BLVRB: variants seen among roughly 807,000 people sequenced by gnomAD.
BLVRB encodes biliverdin reductase B.
BLVRB carries 25 observed loss-of-function variants against 21.1 expected under a neutral mutation model. That is an observed-to-expected ratio of 1.19 (90% confidence interval 0.86 to 1.66). The LOEUF is 1.66. Among genes scored for constraint, BLVRB ranks in the 40% most tolerant of loss-of-function variants. The pLI, the probability that BLVRB is intolerant of heterozygous loss-of-function variation, is 0.00. For synonymous variants in BLVRB, 128 were observed against 122.2 expected (o/e 1.05, Z -0.31); for missense variants, 274 against 282.7 (o/e 0.97, Z 0.22).
intron 1 of BLVRB, among the ~76,000 whole-genome samples, chr19:40,461,278 C>T (rs2079786422): frequency 6.6e-6 from 1 of 152,180 alleles, no homozygotes; most frequent in African/African-American, 2.4e-5. Flanking sequence ...CCCTGGGCTC[C>T]TGGACCCAGT....
intron 3 of BLVRB, among the ~76,000 whole-genome samples, chr19:40,457,242 G>A (rs2079765850): frequency 6.6e-6 from 1 of 152,032 alleles, no homozygotes; most frequent in East Asian, 1.9e-4. Context: ...AGAGCTTGAG[G>A]AAAAAAGCCA....
chr19:40,463,014 CAT>C (rs1294841360), intron 1 of BLVRB, among the ~76,000 whole-genome samples: 25 of 149,454 alleles, frequency 1.7e-4, no homozygotes, highest in Middle Eastern at 3.2e-3. Context: ...TAATACTTAA[CAT>C]GTGATACATT....
chr19:40,451,252 A>C, intron 4 of BLVRB, 112 bp downstream of exon 4: 2 of 1,467,280 alleles, frequency 1.4e-6, no homozygotes, highest in African/African-American at 2.8e-5. Flanking sequence ...TCACAATATC[A>C]TAGGAAGGTT....
At chr19:40,451,597 A>G (rs2145777431) in intron 3 of BLVRB, 105 bp from the exon 4 acceptor site, 1 of 1,380,556 alleles carries the variant, frequency 7.2e-7, no homozygotes, top group South Asian at 1.5e-5. Context: ...CAGTGGCGCA[A>G]TCTCGGCTCA....
At chr19:40,456,746 G>C (rs947257577) in intron 3 of BLVRB, among the ~76,000 whole-genome samples, 1 of 152,050 alleles carries the variant, frequency 6.6e-6, no homozygotes, top group African/African-American at 2.4e-5. Flanking sequence ...AATTAGCAGG[G>C]CATGGTGGCA....
chr19:40,462,666 C>T (rs1230608398), intron 1 of BLVRB, among the ~76,000 whole-genome samples: 10 of 147,792 alleles, frequency 6.8e-5, no homozygotes, highest in East Asian at 6.1e-4. Flanking sequence ...CTGAGGCGGG[C>T]GGATCATGAG....
intron 3 of BLVRB, among the ~76,000 whole-genome samples, chr19:40,454,420 G>A (rs371100510): frequency 1.2e-4 from 18 of 151,726 alleles, no homozygotes; most frequent in African/African-American, 2.4e-4. Flanking sequence ...GAGCCACTGC[G>A]CCTGGTCTAG....
rs756020844 is a variant in BLVRB, at chr19:40,465,603, C to T, written c.79+7G>A. Reference sequence around the variant, plus strand: ...CCGTGACATGCCCCGCCCGCCCCGGCTCATGCCTGCTTGCACCGCCTGCGC... The same window carrying T: ...CCGTGACATGCCCCGCCCGCCCCGGTTCATGCCTGCTTGCACCGCCTGCGC... On this transcript the variant is annotated splice_region_variant and intron_variant, in intron 1 of 4. Coordinates refer to ENST00000263368, the MANE Select transcript of BLVRB (RefSeq NM_000713.3). 1 of 1,610,474 alleles carries T rather than the reference C, an allele frequency of 6.2e-7. No individual in the cohort carries two copies. The highest frequency in any genetic ancestry group is 2.2e-5 in the East Asian group (1 of 44,780).
intron 3 of BLVRB, among the ~76,000 whole-genome samples, chr19:40,454,467 A>T (rs1337078276): frequency 6.6e-6 from 1 of 151,768 alleles, no homozygotes; most frequent in African/African-American, 2.4e-5. Flanking sequence ...TGCGGTGCAG[A>T]GTGTGAAGTG....
intron 1 of BLVRB, 60 bp downstream of exon 1, chr19:40,465,550 C>T (rs1228891707): frequency 1.9e-6 from 3 of 1,554,834 alleles, no homozygotes; most frequent in East Asian, 2.4e-5. Context: ...CCCCATGGTG[C>T]CCCTTCCTAA....
chr19:40,459,674 G>A (rs1599690204), intron 1 of BLVRB, among the ~76,000 whole-genome samples: 1 of 152,072 alleles, frequency 6.6e-6, no homozygotes, highest in East Asian at 1.9e-4. Flanking sequence ...AAGTTCAAGC[G>A]ATTCTTTTGC....
At chr19:40,463,548 T>A (rs1278702723) in intron 1 of BLVRB, among the ~76,000 whole-genome samples, 1 of 27,814 alleles carries the variant, frequency 3.6e-5, no homozygotes, top group Non-Finnish European at 7.5e-5. Flanking sequence ...CCTCCCTCCC[T>A]CCCTCCTTCC....
intron 1 of BLVRB, among the ~76,000 whole-genome samples, chr19:40,460,273 TA>T (rs1298736861): frequency 7.6e-6 from 1 of 131,928 alleles, no homozygotes; most frequent in African/African-American, 2.9e-5. Context: ...TATATATATA[TA>T]TTTAGAGACA....
intron 1 of BLVRB, among the ~76,000 whole-genome samples, chr19:40,464,021 C>G (rs2079799813): frequency 6.6e-6 from 1 of 152,092 alleles, no homozygotes; most frequent in East Asian, 1.9e-4. Context: ...CCTGCCTCAG[C>G]CTCCCAAAGT....
At chr19:40,460,269 T>TATATATATAC (rs1281133813) in intron 1 of BLVRB, among the ~76,000 whole-genome samples, 6 of 140,694 alleles carry the variant, frequency 4.3e-5, no homozygotes, top group African/African-American at 1.7e-4. Flanking sequence ...TATATATATA[T>TATATATATAC]ATATATTTAG....
At chr19:40,460,524 A>C (rs1210441423) in intron 1 of BLVRB, among the ~76,000 whole-genome samples, 1 of 150,354 alleles carries the variant, frequency 6.7e-6, no homozygotes, top group African/African-American at 2.4e-5. Flanking sequence ...TCAGCTACTC[A>C]GGTGGCTGAG....
intron 1 of BLVRB, among the ~76,000 whole-genome samples, chr19:40,459,522 A>C (rs550098622): frequency 1.3e-5 from 2 of 149,332 alleles, no homozygotes; most frequent in Non-Finnish European, 3.0e-5. Context: ...ATCTCGGCTC[A>C]CTGCAACCTC....
At chr19:40,465,116 G>A (rs1405495854) in intron 1 of BLVRB, among the ~76,000 whole-genome samples, 1 of 152,158 alleles carries the variant, frequency 6.6e-6, no homozygotes, top group Non-Finnish European at 1.5e-5. Flanking sequence ...TTAAGAGCAT[G>A]AGCTGAGTTC....
At chr19:40,451,655 C>T (rs1167247010) in intron 3 of BLVRB, among the ~76,000 whole-genome samples, 163 bp from the exon 4 acceptor site, 1 of 152,048 alleles carries the variant, frequency 6.6e-6, no homozygotes, top group Admixed American at 6.6e-5. Context: ...GCCTCAGCCT[C>T]CCCAGTAGCT....
Sources: allele counts gnomAD v4.1 joint callset (sites outside exome capture counted in the v4.1 genomes callset), GRCh38; gene constraint gnomAD v4.1.1; transcripts MANE v1.5; gene names NCBI Gene and HGNC (gene_info 2026-07-23, HGNC 2026-07-21).